Variants in MACF1 observed in about 807,000 individuals in gnomAD.
MACF1 encodes microtubule-actin cross-linking factor 1.
A neutral mutation model predicts 854.8 loss-of-function variants in MACF1; 193 were observed. The observed-to-expected ratio is 0.23, with a 90% confidence interval of 0.20 to 0.25. The LOEUF is 0.25. MACF1 is among the 10% of genes least tolerant of loss of function. The pLI, the probability that MACF1 is intolerant of heterozygous loss-of-function variation, is 1.00. For synonymous variants in MACF1, 3,185 were observed against 3,226.7 expected, an observed-to-expected ratio of 0.99 and a Z score of 0.44; for missense variants, 7,722 against 8,929.1, an observed-to-expected ratio of 0.86 and a Z score of 5.45.
chr1:39,296,792 GGAAGGAAGGAAAAGAAAGA>G (rs1413623558), intron 20 of MACF1, among the ~76,000 whole-genome samples: 4 of 118,274 alleles, frequency 3.4e-5, no homozygotes, highest in East Asian at 2.5e-4. Flanking sequence ...AAGAAAGAAA[GGAAGGAAGGAAAAGAAAGA>G]AAGGAAGGAA....
intron 58 of MACF1, among the ~76,000 whole-genome samples, chr1:39,406,131 G>T (rs1157899147): frequency 6.6e-6 from 1 of 152,110 alleles, no homozygotes; most frequent in Admixed American, 6.5e-5. Context: ...GGGTTCTGGG[G>T]TTTTTTTGGA....
rs776414004 is a variant in MACF1 at position 39,370,141 on chromosome 1, T to G, written c.13050T>G (p.Thr4350=). Residue 4350 remains threonine (T), a synonymous_variant, in exon 51 of 101, where the codon ACT becomes ACG. Transcript: ENST00000564288. The part of the protein sequence containing the change: ...ETEGSIPPTE[T]SMSAKELEKQ... Reference sequence around the variant, plus strand: ...AAGGGAGTATTCCACCTACGGAAACTTCTATGAGTGCTAAAGAGTTAGAAA... The same window carrying G: ...AAGGGAGTATTCCACCTACGGAAACGTCTATGAGTGCTAAAGAGTTAGAAA... 1 of 1,614,074 alleles carries G rather than the reference T, an allele frequency of 6.2e-7. No homozygotes were observed. The highest frequency in any genetic ancestry group is 1.7e-5 in the Admixed American group (1 of 60,004).
chr1:39,146,874 G>T (rs1384157756), intron 2 of MACF1, among the ~76,000 whole-genome samples: 2 of 152,262 alleles, frequency 1.3e-5, no homozygotes, highest in Middle Eastern at 3.4e-3. Flanking sequence ...AACACAAATT[G>T]CTTGAGGTGA....
chr1:39,139,975 G>C (rs1206330189), intron 2 of MACF1, among the ~76,000 whole-genome samples: 2 of 149,424 alleles, frequency 1.3e-5, no homozygotes, highest in Non-Finnish European at 3.0e-5. Flanking sequence ...TTTTTTTAGA[G>C]ACAAGGTCTT....
At chr1:39,451,305 T>A (rs1644337453) in intron 85 of MACF1, 94 bp downstream of exon 85, 2 of 1,254,770 alleles carry the variant, frequency 1.6e-6, no homozygotes, top group Admixed American at 3.3e-5. Flanking sequence ...TGCCCTTCTT[T>A]CTAGGGGAGA....
chr1:39,324,273 T>C lies in MACF1; in HGVS notation c.4317T>C (p.Asn1439=). Reference sequence around the variant, plus strand: ...GCTGGGTGTCTACCCTAGCGAGGAATACACAAGGAAAAGCTACCTCATCCG... The same window carrying C: ...GCTGGGTGTCTACCCTAGCGAGGAACACACAAGGAAAAGCTACCTCATCCG... ...LLGWVSTLAR[N]TQGKATSSET... The change falls in exon 34 of 101, where the codon AAT becomes AAC. Residue 1439 remains asparagine (N), a synonymous_variant. Transcript: ENST00000564288. 1 of 1,613,940 alleles carries C rather than the reference T, an allele frequency of 6.2e-7. No individual in the cohort carries two copies. Among genetic ancestry groups the C allele is most frequent in the South Asian group, 1.1e-5 (1 of 91,068 alleles).
intron 1 of MACF1, among the ~76,000 whole-genome samples, chr1:39,209,636 G>GT (rs10715770): frequency 2.0e-5 from 3 of 151,910 alleles, no homozygotes; most frequent in African/African-American, 7.3e-5. Flanking sequence ...CCCATCCTGG[G>GT]TTTTTTTTTA....
chr1:39,441,938 G>C lies in MACF1; in HGVS notation c.18673-14G>C. 1 of 1,603,844 alleles carries C rather than the reference G, an allele frequency of 6.2e-7. No individual in the cohort carries two copies. The highest frequency in any genetic ancestry group is 8.5e-7 in the Non-Finnish European group (1 of 1,171,286). Reference sequence around the variant, plus strand: ...TCTGGTTGTTTTTGACTGTTTACTTGTCTTTTGTTCTAGGCTATGTTTGAC... The same window carrying C: ...TCTGGTTGTTTTTGACTGTTTACTTCTCTTTTGTTCTAGGCTATGTTTGAC... On this transcript the variant is annotated splice_polypyrimidine_tract_variant and intron_variant, in intron 74 of 100. Transcript: ENST00000564288.
At chr1:39,197,643 G>A (rs1367592768) in intron 2 of MACF1, among the ~76,000 whole-genome samples, 1 of 152,146 alleles carries the variant, frequency 6.6e-6, no homozygotes, top group Non-Finnish European at 1.5e-5. Flanking sequence ...AGCACTTTGG[G>A]AGGCAGAGGC....
chr1:39,418,232 A>G lies in MACF1; in HGVS notation c.15817-4142A>G, dbSNP rs143947824. 2.7e-3 allele frequency among the ~76,000 whole-genome samples: 406 copies of G among 152,176 alleles called. 1 individual carries two copies. The highest frequency in any genetic ancestry group is 0.014 in the Middle Eastern group (4 of 294). On this transcript the variant is annotated intron_variant, in intron 58 of 100. Transcript: ENST00000564288. ...GATAGTATAAATTATTGATTTAAGGAAGAGGTAAGGGAAAGTGGGAGACAC... is the reference window on the plus strand; with the variant it reads ...GATAGTATAAATTATTGATTTAAGGGAGAGGTAAGGGAAAGTGGGAGACAC...
intron 6 of MACF1, among the ~76,000 whole-genome samples, chr1:39,263,264 G>C (rs906050863): frequency 6.6e-6 from 1 of 152,176 alleles, no homozygotes; most frequent in African/African-American, 2.4e-5. Context: ...AGTTGAAGGA[G>C]AAGGGAGAGG....
At chr1:39,323,723 T>C (rs982652620) in intron 33 of MACF1, among the ~76,000 whole-genome samples, 1 of 152,060 alleles carries the variant, frequency 6.6e-6, no homozygotes, top group African/African-American at 2.4e-5. Flanking sequence ...ATATTCAGCC[T>C]CTCTTATAAA....
At chr1:39,475,375 CAG>C (rs1259293632) in intron 97 of MACF1, among the ~76,000 whole-genome samples, 15 of 149,726 alleles carry the variant, frequency 1.0e-4, no homozygotes, top group Non-Finnish European at 1.5e-4. Context: ...AGGCTGAAGT[CAG>C]GGGATCACTT....
In MACF1 at chr1:39,334,891, A is replaced by G. The variant is rs1646785465; in HGVS notation, c.8303A>G (p.Asp2768Gly). The G allele has an allele frequency of 1.2e-6, 2 of 1,614,116 alleles. No individual in the cohort carries two copies. The highest frequency in any genetic ancestry group is 1.1e-5 in the South Asian group (1 of 91,094). ...MIQIDSSEFS[D>G]HRAQIEKQEG... ...CAAATAGATAGTTCAGAGTTCAGCGATCACAGGGCTCAGATTGAAAAGCAA... is the reference window on the plus strand; with the variant it reads ...CAAATAGATAGTTCAGAGTTCAGCGGTCACAGGGCTCAGATTGAAAAGCAA... Residue 2768 changes from aspartate to glycine, a missense_variant, in exon 37 of 101, where the codon GAT (aspartate) becomes GGT (glycine). Asp to Gly is a moderately conservative substitution (Grantham distance 94). Coordinates refer to ENST00000564288, the MANE Select transcript of MACF1 (RefSeq NM_001394062.1).
intron 58 of MACF1, chr1:39,411,964 G>C (rs1358131887): frequency 6.2e-7 from 1 of 1,613,890 alleles, no homozygotes; most frequent in African/African-American, 1.3e-5. Flanking sequence ...CACTTCCACT[G>C]TTAGCAAGGA....
intron 60 of MACF1, among the ~76,000 whole-genome samples, chr1:39,423,508 G>A (rs150056018): frequency 0.016 from 2,489 of 151,742 alleles, 76 homozygotes; most frequent in African/African-American, 0.057. Context: ...GGTGGTGGGC[G>A]CCTGTAGTCC....
chr1:39,091,150 C>A (rs532903985), intron 2 of MACF1, among the ~76,000 whole-genome samples: 1 of 152,222 alleles, frequency 6.6e-6, no homozygotes, highest in African/African-American at 2.4e-5. Context: ...TGCCCCACCC[C>A]TACCCCAGAA....
chr1:39,333,253 A>C lies in MACF1; in HGVS notation c.6665A>C (p.His2222Pro). ...ELKSETDGNV[H>P]PLDKKEMLKK... is the part of the protein sequence containing the mutation. ...AAGTCTGAAACTGATGGGAATGTTC[A>C]TCCTCTGGACAAAAAGGAAATGTTA... The change falls in exon 37 of 101, where the codon CAT (histidine) becomes CCT (proline). Residue 2222 changes from histidine (H) to proline (P), a missense_variant. His to Pro is a moderately conservative substitution (Grantham distance 77, BLOSUM62 -2). Coordinates refer to ENST00000564288, the MANE Select transcript of MACF1 (RefSeq NM_001394062.1). 1.2e-6 allele frequency: 2 copies of C among 1,613,914 alleles called. No homozygotes were observed. The highest frequency in any genetic ancestry group is 1.7e-6 in the Non-Finnish European group (2 of 1,179,990).
intron 58 of MACF1, among the ~76,000 whole-genome samples, chr1:39,417,841 G>A (rs1020400947): frequency 2.0e-5 from 3 of 147,810 alleles, no homozygotes; most frequent in Non-Finnish European, 3.0e-5. Flanking sequence ...GCGTCCCAAA[G>A]TGCTGGGATT....
Sources: gnomAD v4.1 joint callset for allele counts (sites outside exome capture counted in the v4.1 genomes callset) on GRCh38, gnomAD v4.1.1 for gene constraint, MANE v1.5 for transcripts, NCBI Gene and HGNC (gene_info 2026-07-23, HGNC 2026-07-21) for gene names.